Variants in SNX8 observed in about 807,000 individuals in gnomAD.
SNX8 encodes sorting nexin 8.
Under a neutral mutation model 51.6 loss-of-function variants are expected in SNX8, and 25 were observed. That is an observed-to-expected ratio of 0.48 (90% confidence interval 0.35 to 0.68). The LOEUF (loss-of-function observed/expected upper bound fraction) is 0.68. Among genes scored for constraint, SNX8 ranks in the 30% least tolerant of loss-of-function variants. The pLI is 0.00. For synonymous variants in SNX8, 324 were observed against 277.0 expected, an observed-to-expected ratio of 1.17 and a Z score of -1.68; for missense variants, 695 against 624.0, an observed-to-expected ratio of 1.11 and a Z score of -1.21.
Position 2,252,680 on chromosome 7 carries a change from C to T in SNX8, c.*2376G>A, listed in dbSNP as rs1442260866. 4 of 133,744 alleles carry T rather than the reference C, an allele frequency of 3.0e-5. No individual in the cohort carries two copies. Among genetic ancestry groups the T allele is most frequent in the Non-Finnish European group, 6.4e-5 (4 of 62,814 alleles). The allele number at this position is 133,744 out of a possible 1,614,324, so 8.3% of individuals were successfully genotyped here. A position where few individuals can be genotyped will look rare whatever the true frequency, so the allele number is the denominator to read the frequency against. ...CACCCCTGCCTTCCTGCCCCCCCACCTCCCTCCTGCCTTCCCACCCCTGCC... is the reference window on the plus strand; with the variant it reads ...CACCCCTGCCTTCCTGCCCCCCCACTTCCCTCCTGCCTTCCCACCCCTGCC... On this transcript the variant is annotated 3_prime_UTR_variant, in exon 11 of 11. Transcript: ENST00000222990.
intron 1 of SNX8, among the ~76,000 whole-genome samples, chr7:2,306,961 C>T (rs1465253395): frequency 3.5e-5 from 5 of 142,212 alleles, no homozygotes; most frequent in African/African-American, 9.7e-5. Flanking sequence ...CCGGCCCCTA[C>T]AGTACTTCCT....
At chr7:2,255,241 C>A in intron 10 of SNX8, 72 bp from the exon 11 acceptor site, 1 of 972,732 alleles carries the variant, frequency 1.0e-6, no homozygotes, top group South Asian at 1.7e-5. Context: ...GATCCCAGTT[C>A]CTTCGCCTGC....
upstream of SNX8, among the ~76,000 whole-genome samples, chr7:2,315,028 TCACC>T (rs1796731437): frequency 6.8e-6 from 1 of 146,426 alleles, no homozygotes; most frequent in African/African-American, 2.5e-5. Flanking sequence ...ATTCATTCAT[TCACC>T]CACTCACTCA....
At chr7:2,271,499 G>C (rs1419615652) in intron 4 of SNX8, among the ~76,000 whole-genome samples, 1 of 152,182 alleles carries the variant, frequency 6.6e-6, no homozygotes, top group African/African-American at 2.4e-5. Context: ...TGTTCCAGTG[G>C]TCCTTAGTCA....
rs149728304 is a variant in SNX8 at position 2,335,577 on chromosome 7, C to A, written c.-66+18645G>T. On this transcript the variant is annotated intron_variant, in intron 1 of 5. Transcript: ENST00000435336. ...CAGCACTTCGGGAGGCCGAGGCGGGCGTATCACGAGGTCAGGAGATCTAGA... is the reference window on the plus strand; with the variant it reads ...CAGCACTTCGGGAGGCCGAGGCGGGAGTATCACGAGGTCAGGAGATCTAGA... 2.6e-5 allele frequency among the ~76,000 whole-genome samples: 4 copies of A among 152,134 alleles called. No homozygotes were observed. The South Asian group carries it at 8.3e-4, about 32-fold the overall frequency.
chr7:2,314,268 CG>C, intron 1 of SNX8, 59 bp downstream of exon 1: 1 of 1,212,950 alleles, frequency 8.2e-7, no homozygotes, highest in Non-Finnish European at 1.0e-6. Context: ...CCCCGTCCGC[CG>C]GGGGTGGTCG....
intron 1 of SNX8, among the ~76,000 whole-genome samples, chr7:2,319,698 C>T (rs1796804202): frequency 6.6e-6 from 1 of 152,140 alleles, no homozygotes; most frequent in African/African-American, 2.4e-5. Flanking sequence ...GCCTGTAGTC[C>T]CAGCTCCTCG....
intron 5 of SNX8, among the ~76,000 whole-genome samples, chr7:2,268,627 G>C (rs1450808194): frequency 1.6e-5 from 2 of 121,774 alleles, no homozygotes; most frequent in Non-Finnish European, 3.5e-5. Context: ...CCAGCCAGCC[G>C]CCCCGTCTGG....
chr7:2,315,908 A>G (rs1042661730), upstream of SNX8, among the ~76,000 whole-genome samples: 6 of 147,906 alleles, frequency 4.1e-5, 1 homozygote, highest in African/African-American at 1.5e-4. Context: ...GCATTCATTC[A>G]TCCACCCACT....
chr7:2,263,782 C>T (rs374912885), intron 6 of SNX8, among the ~76,000 whole-genome samples: 16 of 152,202 alleles, frequency 1.1e-4, no homozygotes, highest in African/African-American at 3.6e-4. Context: ...GGCGCGATCT[C>T]GGCTCACTGC....
intron 3 of SNX8, among the ~76,000 whole-genome samples, chr7:2,272,279 C>T (rs1397180697): frequency 1.3e-5 from 2 of 152,162 alleles, no homozygotes; most frequent in Non-Finnish European, 2.9e-5. Flanking sequence ...TAATCACCTC[C>T]GTTAAAGACA....
intron 1 of SNX8, among the ~76,000 whole-genome samples, chr7:2,279,539 C>T (rs1795862989): frequency 2.0e-5 from 3 of 152,080 alleles, no homozygotes; most frequent in Non-Finnish European, 4.4e-5. Context: ...ATCGCTTGAG[C>T]TCAGGAGTTC....
At chr7:2,263,737 G>A (rs897408983) in intron 6 of SNX8, among the ~76,000 whole-genome samples, 4 of 151,252 alleles carry the variant, frequency 2.6e-5, no homozygotes, top group Admixed American at 6.6e-5. Context: ...TTTTTGAGAC[G>A]GAGTCTCGCT....
At position 2,281,529 on chromosome 7, in the gene SNX8, TC is replaced by T. The variant is rs376668711; in HGVS notation, c.95-3225del. 9.2e-5 allele frequency among the ~76,000 whole-genome samples: 14 copies of T among 152,180 alleles called. No homozygotes were observed. The East Asian group carries it at 2.5e-3, about 27-fold the overall frequency. On this transcript the variant is annotated intron_variant, in intron 1 of 10. Coordinates refer to ENST00000222990, the MANE Select transcript of SNX8 (RefSeq NM_013321.4). Reference sequence around the variant, plus strand: ...AACACCAGGAGGAGGAGCCCGGCTTTCTGCAGGAATAAACGTTATGCTCACT... The same window carrying T: ...AACACCAGGAGGAGGAGCCCGGCTTTTGCAGGAATAAACGTTATGCTCACT...
intron 1 of SNX8, among the ~76,000 whole-genome samples, chr7:2,351,099 CAG>C (rs1250851127): frequency 6.6e-6 from 1 of 152,120 alleles, no homozygotes; most frequent in Non-Finnish European, 1.5e-5. Flanking sequence ...GCCTGGGTGA[CAG>C]AGTGAGACCT....
At chr7:2,303,117 C>A (rs550798001) in intron 1 of SNX8, among the ~76,000 whole-genome samples, 1 of 146,422 alleles carries the variant, frequency 6.8e-6, no homozygotes, top group Admixed American at 6.7e-5. Context: ...GGGGGGTCAG[C>A]CCCCCGCCCG....
intron 1 of SNX8, among the ~76,000 whole-genome samples, chr7:2,334,868 T>C (rs1583120227): frequency 3.4e-5 from 1 of 29,064 alleles, no homozygotes; most frequent in African/African-American, 1.1e-4. Flanking sequence ...AGCCCATCTC[T>C]GAAAAAAAAA....
chr7:2,346,852 G>A lies in SNX8; in HGVS notation c.-66+7370C>T, dbSNP rs1003146388. On this transcript the variant is annotated intron_variant, in intron 1 of 5. Coordinates refer to the SNX8 transcript ENST00000435336. ...AGAGGATCTCTTGAGCCTGGGAGGT[G>A]GAGGCTGCAGTGAGCCGAGATCACA... 2.0e-5 allele frequency among the ~76,000 whole-genome samples: 3 copies of A among 147,652 alleles called. No homozygotes were observed. In the Admixed American group the frequency reaches 2.0e-4, roughly 10 times the overall value.
Position 2,314,371 on chromosome 7 carries a change from T to TGCCGCCCCGACTGCAGCC in SNX8, c.33_50dup (p.Ala13_Ala18dup), listed in dbSNP as rs1796718633. On this transcript the variant is annotated inframe_insertion, in exon 1 of 11. Transcript: ENST00000222990. ...CCTCCTCGTCAGCCTCCGCCTCAGC[T>TGCCGCCCCGACTGCAGCC]GCCGCCCCGACTGCAGCCGCGGGCA... 8.2e-7 allele frequency: 1 copy of TGCCGCCCCGACTGCAGCC among 1,223,362 alleles called. No homozygotes were observed. Among genetic ancestry groups the TGCCGCCCCGACTGCAGCC allele is most frequent in the Non-Finnish European group, 1.0e-6 (1 of 982,138 alleles). 75.8% of individuals were successfully genotyped at this position (1,223,362 alleles called of 1,614,324 possible).
Sources: gnomAD v4.1 joint callset for allele counts (sites outside exome capture counted in the v4.1 genomes callset) on GRCh38, gnomAD v4.1.1 for gene constraint, MANE v1.5 for transcripts, NCBI Gene and HGNC (gene_info 2026-07-23, HGNC 2026-07-21) for gene names.